The following ADGB variants were observed in gnomAD, a reference collection of about 807,000 sequenced individuals.
ADGB encodes androglobin, also known as calpain-7-like protein.
Under a neutral mutation model 210.5 loss-of-function variants are expected in ADGB, and 172 were observed. That is an observed-to-expected ratio of 0.82 (90% CI 0.72 to 0.93). ADGB has a LOEUF of 0.93. Ranked by LOEUF, ADGB falls within the 40% of genes least tolerant of loss-of-function variation. The pLI is 0.00. For synonymous variants in ADGB, 658 were observed against 662.7 expected, an observed-to-expected ratio of 0.99 and a Z score of 0.11; for missense variants, 2,025 against 1,964.8, an observed-to-expected ratio of 1.03 and a Z score of -0.58.
At chr6:146,613,705 A>C (rs1318825017) in intron 1 of ADGB, among the ~76,000 whole-genome samples, 1 of 152,152 alleles carries the variant, frequency 6.6e-6, no homozygotes, top group Admixed American at 6.5e-5. Flanking sequence ...ATACCTTTGC[A>C]CCAGCTAATG....
At position 146,734,008 on chromosome 6, in the gene ADGB, G is replaced by T. The variant is rs1165052949; in HGVS notation, c.2772G>T (p.Leu924Phe). The T allele has an allele frequency of 6.4e-7, 1 of 1,551,434 alleles. No individual in the cohort carries two copies. ...TGTGGAGAGGAACTTACGTTAGATT[G>T]CTTATGAAAGCCAGAATACCAGGTA... ...QAMWRGTYVR[L>F]LMKARIPDTK... Residue 924 changes from leucine to phenylalanine, a missense_variant, in exon 22 of 36, where the codon TTG (leucine) becomes TTT (phenylalanine). Leu to Phe is a conservative substitution (Grantham distance 22). Transcript: ENST00000397944.
At position 146,752,605 on chromosome 6, in the gene ADGB, G is replaced by T. The variant is rs1360479771; in HGVS notation, c.3441G>T (p.Lys1147Asn). ...VRTSKPDAFI[K>N]LQVLENEETM... ...CATCCAAACCAGATGCATTCATCAA[G>T]CTGCAGGTCCTAGAAAATGAAGAAA... The change falls in exon 27 of 36, where the codon AAG (lysine) becomes AAT (asparagine). Residue 1147 changes from lysine (K) to asparagine (N), a missense_variant. Lys to Asn is a moderately conservative substitution (Grantham distance 94). Coordinates refer to ENST00000397944, the MANE Select transcript of ADGB (RefSeq NM_024694.4). 6.4e-7 allele frequency: 1 copy of T among 1,550,924 alleles called. No individual in the cohort carries two copies. The highest frequency in any genetic ancestry group is 1.2e-5 in the South Asian group (1 of 84,010).
chr6:146,670,291 C>T (rs1439514540), intron 7 of ADGB, among the ~76,000 whole-genome samples: 1 of 93,832 alleles, frequency 1.1e-5, no homozygotes, highest in Non-Finnish European at 2.3e-5. Flanking sequence ...ACAGTCTTGA[C>T]CATGATCCTC....
chr6:146,644,479 A>G (rs1775576243), intron 2 of ADGB, among the ~76,000 whole-genome samples: 1 of 151,952 alleles, frequency 6.6e-6, no homozygotes, highest in African/African-American at 2.4e-5. Context: ...TATCTAATAT[A>G]GTTTCCACAG....
intron 1 of ADGB, among the ~76,000 whole-genome samples, chr6:146,631,700 A>G (rs1781068421): frequency 6.6e-6 from 1 of 152,146 alleles, no homozygotes; most frequent in African/African-American, 2.4e-5. Flanking sequence ...TGGAGTTTAC[A>G]AAATCCTACC....
chr6:146,672,948 C>T (rs1162676954), intron 8 of ADGB, among the ~76,000 whole-genome samples: 1 of 151,970 alleles, frequency 6.6e-6, no homozygotes, highest in Non-Finnish European at 1.5e-5. Context: ...CCAGGCTGGT[C>T]TTGAACTCCT....
intron 22 of ADGB, among the ~76,000 whole-genome samples, chr6:146,735,038 T>TA (rs11385067): frequency 0.51 from 76,234 of 149,906 alleles, 20,270 homozygotes; most frequent in African/African-American, 0.68. Context: ...AACTTTCTTG[T>TA]AAAAAAAAAA....
At chr6:146,685,695 A>G in intron 9 of ADGB, 39 bp from the exon 10 acceptor site, 1 of 1,317,874 alleles carries the variant, frequency 7.6e-7, no homozygotes, top group Non-Finnish European at 1.0e-6. Flanking sequence ...ACCGATTTTG[A>G]CTAGAATTTT....
chr6:146,623,842 A>G (rs900455415), intron 1 of ADGB, among the ~76,000 whole-genome samples: 4 of 151,668 alleles, frequency 2.6e-5, no homozygotes, highest in South Asian at 2.1e-4. Context: ...GATGATCATA[A>G]TTTTTTTTAG....
At chr6:146,701,703 A>G (rs1197645141) in intron 13 of ADGB, among the ~76,000 whole-genome samples, 1 of 151,948 alleles carries the variant, frequency 6.6e-6, no homozygotes, top group Non-Finnish European at 1.5e-5. Context: ...CTTTTTCTCC[A>G]TATTAATTAA....
intron 18 of ADGB, chr6:146,725,517 G>C (rs1261979454): frequency 6.6e-6 from 1 of 152,242 alleles, no homozygotes; most frequent in African/African-American, 2.4e-5. Context: ...AGGTGGAACA[G>C]TTTCATCCTG....
intron 13 of ADGB, among the ~76,000 whole-genome samples, chr6:146,704,255 G>T (rs1776535373): frequency 6.6e-6 from 1 of 150,964 alleles, no homozygotes. Flanking sequence ...CCATTCTATA[G>T]ATTGTCTCCT....
At chr6:146,634,349 T>C (rs1466868594) in intron 1 of ADGB, among the ~76,000 whole-genome samples, 5 of 152,144 alleles carry the variant, frequency 3.3e-5, no homozygotes, top group Non-Finnish European at 2.9e-5. Flanking sequence ...TGTGTTACTG[T>C]ATACTGTATA....
At chr6:146,738,438 CTTTTTTTTTTTTTTTTT>C (rs71031008) in intron 23 of ADGB, among the ~76,000 whole-genome samples, 1 of 71,394 alleles carries the variant, frequency 1.4e-5, no homozygotes, top group African/African-American at 4.9e-5. Flanking sequence ...CCCATTTCAT[CTTTTTTTTTTTTTTTTT>C]TTTTTTTTTT....
At chr6:146,795,526 A>C (rs1034226943) in intron 33 of ADGB, among the ~76,000 whole-genome samples, 3 of 152,218 alleles carry the variant, frequency 2.0e-5, no homozygotes, top group African/African-American at 7.2e-5. Context: ...GAAGACATAC[A>C]TGCAGCCAAT....
At chr6:146,624,709 G>T (rs966904309) in intron 1 of ADGB, among the ~76,000 whole-genome samples, 7 of 151,618 alleles carry the variant, frequency 4.6e-5, no homozygotes, top group Non-Finnish European at 1.0e-4. Context: ...ACTTGACTAG[G>T]TATTTCGTCC....
chr6:146,740,454 T>A lies in ADGB; in HGVS notation c.2889-5T>A. The A allele has an allele frequency of 2.0e-6, 3 of 1,530,512 alleles. No individual in the cohort carries two copies. The highest frequency in any genetic ancestry group is 1.8e-6 in the Non-Finnish European group (2 of 1,136,504). The allele number at this position is 1,530,512 out of a possible 1,614,324, so 94.8% of individuals were successfully genotyped here. The stretch of plus-strand genomic sequence containing the variant: ...TTGATACATAATTTATTTTTATATT[T>A]CTAGACTAATGTTTAAAAGCAAGTG... On this transcript the variant is annotated splice_region_variant and splice_polypyrimidine_tract_variant and intron_variant, in intron 23 of 35. Transcript: ENST00000397944.
At chr6:146,803,269 C>T (rs1375178577) in intron 35 of ADGB, 7 of 1,599,942 alleles carry the variant, frequency 4.4e-6, no homozygotes, top group Non-Finnish European at 6.0e-6. Context: ...TCCTGAGAAA[C>T]CTCAGAAAAA....
chr6:146,604,925 C>T (rs1780610091), intron 1 of ADGB, among the ~76,000 whole-genome samples: 1 of 152,112 alleles, frequency 6.6e-6, no homozygotes, highest in South Asian at 2.1e-4. Context: ...ACACTTCCAA[C>T]TGGGGCTGGT....
Sources: gnomAD v4.1 joint callset for allele counts (sites outside exome capture counted in the v4.1 genomes callset) on GRCh38, gnomAD v4.1.1 for gene constraint, MANE v1.5 for transcripts, NCBI Gene and HGNC (gene_info 2026-07-23, HGNC 2026-07-21) for gene names.